The following SVOPL variants were observed in gnomAD, a reference collection of about 807,000 sequenced individuals.
SVOPL encodes the protein SVOP like.
In SVOPL, 60 loss-of-function variants were observed where a neutral mutation model predicts 61.0. The ratio of observed to expected loss-of-function variants is 0.98; its 90% confidence interval spans 0.80 to 1.22. SVOPL has a LOEUF of 1.22. Among genes scored for constraint, SVOPL ranks in the 50% most tolerant of loss-of-function variants. The pLI, the probability that SVOPL is intolerant of heterozygous loss-of-function variation, is 0.00. For synonymous variants in SVOPL, 279 were observed against 250.0 expected (o/e 1.12, Z -1.09); for missense variants, 662 against 643.9 (o/e 1.03, Z -0.30).
At chr7:138,656,543 G>A (rs1474940304) in intron 6 of SVOPL, 32 bp from the exon 7 acceptor site, 1 of 1,607,850 alleles carries the variant, frequency 6.2e-7, no homozygotes, top group Non-Finnish European at 8.5e-7. Flanking sequence ...GCATAATTTT[G>A]TTTTAAAAAA....
intron 7 of SVOPL, among the ~76,000 whole-genome samples, chr7:138,653,944 A>AAAG (rs1554469214): frequency 4.5e-4 from 23 of 50,662 alleles, no homozygotes; most frequent in African/African-American, 9.7e-4. Context: ...AAAAAAAAAA[A>AAAG]AAAAGAAAAG....
At chr7:138,684,364 C>CAAA (rs34602180) in intron 1 of SVOPL, among the ~76,000 whole-genome samples, 4,311 of 112,356 alleles carry the variant, frequency 0.038, 97 homozygotes, top group South Asian at 0.11. Context: ...GACTCCATCT[C>CAAA]AAAAAAAAAA....
At chr7:138,631,557 G>A (rs1409762931) in intron 9 of SVOPL, among the ~76,000 whole-genome samples, 3 of 151,710 alleles carry the variant, frequency 2.0e-5, no homozygotes, top group Non-Finnish European at 4.4e-5. Context: ...GGCCTGCAGT[G>A]TCCTCTCCCC....
At chr7:138,675,604 C>A (rs1325033346) in intron 3 of SVOPL, among the ~76,000 whole-genome samples, 1 of 152,084 alleles carries the variant, frequency 6.6e-6, no homozygotes, top group Admixed American at 6.6e-5. Context: ...GATCTACCCG[C>A]CTTGGCCTCC....
chr7:138,684,980 T>C (rs546389822), intron 1 of SVOPL, among the ~76,000 whole-genome samples: 1 of 151,366 alleles, frequency 6.6e-6, no homozygotes, highest in Admixed American at 6.6e-5. Flanking sequence ...TTGCCCAGGC[T>C]AGAGTGCAAT....
rs762118632 is a variant in SVOPL at position 138,630,140 on chromosome 7, A to G, written c.790-18T>C. Reference sequence around the variant, plus strand: ...CTTTTTTCCTGGGGTAATGAAAAGGAGACAGAACATACTCAGCAGCTTAAG... The same window carrying G: ...CTTTTTTCCTGGGGTAATGAAAAGGGGACAGAACATACTCAGCAGCTTAAG... On this transcript the variant is annotated intron_variant, in intron 9 of 15. Transcript: ENST00000674285. 2.3e-5 allele frequency: 37 copies of G among 1,592,910 alleles called. No individual in the cohort carries two copies. In the Middle Eastern group the frequency reaches 5.0e-4, roughly 21 times the overall value.
chr7:138,638,049 G>T (rs553783107), intron 9 of SVOPL, among the ~76,000 whole-genome samples: 1 of 150,994 alleles, frequency 6.6e-6, no homozygotes, highest in South Asian at 2.1e-4. Context: ...AAATGCAGGT[G>T]GATCACTTGA....
chr7:138,626,141 A>T (rs1799883231), intron 12 of SVOPL, 91 bp from the exon 13 acceptor site: 2 of 1,234,268 alleles, frequency 1.6e-6, no homozygotes, highest in Non-Finnish European at 1.2e-6. Flanking sequence ...GGATGCTGAG[A>T]TACAATCACA....
At chr7:138,690,423 T>C (rs1158108773) in intron 1 of SVOPL, among the ~76,000 whole-genome samples, 1 of 152,122 alleles carries the variant, frequency 6.6e-6, no homozygotes, top group Non-Finnish European at 1.5e-5. Flanking sequence ...AATGGATAAA[T>C]GAGATGTGGT....
At chr7:138,656,380 G>T in intron 7 of SVOPL, 68 bp downstream of exon 7, 1 of 1,480,564 alleles carries the variant, frequency 6.8e-7, no homozygotes, top group South Asian at 1.2e-5. Flanking sequence ...GTATTTCCAA[G>T]GTATGCCTAT....
Position 138,629,155 on chromosome 7 carries a change from A to ATGTGTGTGTGTGTGTG in SVOPL, c.864-793_864-792insCACACACACACACACA, listed in dbSNP as rs1378769326. On this transcript the variant is annotated intron_variant, in intron 10 of 15. Coordinates refer to ENST00000674285, the MANE Select transcript of SVOPL (RefSeq NM_001139456.2). ...TGTGTGTGTGTGTGTGTGTGTGTGT[A>ATGTGTGTGTGTGTGTG]TATATGTATATATAATTTGCTGGAA... is the stretch of plus-strand genomic sequence containing the variant. Among the ~76,000 whole-genome samples the ATGTGTGTGTGTGTGTG allele has an allele frequency of 9.5e-3, 406 of 42,782 alleles. 2 individuals are homozygous for ATGTGTGTGTGTGTGTG. The highest frequency in any genetic ancestry group is 0.024 in the African/African-American group (393 of 16,460). 28.1% of individuals were successfully genotyped at this position (42,782 alleles called of 152,430 possible).
rs71179717 is a variant in SVOPL, at chr7:138,654,500, G to GTTTTTTTTT, written c.534+1939_534+1947dup. On this transcript the variant is annotated intron_variant, in intron 7 of 15. Coordinates refer to ENST00000674285, the MANE Select transcript of SVOPL (RefSeq NM_001139456.2). ...GTTTACAGCATGGTTTACTGAGTTT[G>GTTTTTTTTT]TTTTTTTTTTTTTTTTTGAGACGGA... is the stretch of plus-strand genomic sequence containing the variant. Among the ~76,000 whole-genome samples, 6 of 125,520 alleles carry GTTTTTTTTT rather than the reference G, an allele frequency of 4.8e-5. 1 individual carries two copies. Among genetic ancestry groups the GTTTTTTTTT allele is most frequent in the Admixed American group, 9.0e-5 (1 of 11,096 alleles). The allele number at this position is 125,520 out of a possible 152,430, so 82.3% of individuals were successfully genotyped here. A position where few individuals can be genotyped will look rare whatever the true frequency, so the allele number is the denominator to read the frequency against.
rs138492000 is a variant in SVOPL, at chr7:138,630,594, G to T, written c.790-472C>A. On this transcript the variant is annotated intron_variant, in intron 9 of 15. Coordinates refer to ENST00000674285, the MANE Select transcript of SVOPL (RefSeq NM_001139456.2). ...AATTTCTTTTTCTGTCTCTAAGGGGGGTAGTTAGCAAAAGTTCTTGTCCAT... is the reference window on the plus strand; with the variant it reads ...AATTTCTTTTTCTGTCTCTAAGGGGTGTAGTTAGCAAAAGTTCTTGTCCAT... 7.6e-3 allele frequency among the ~76,000 whole-genome samples: 1,155 copies of T among 152,256 alleles called. 11 individuals carry two copies. The highest frequency in any genetic ancestry group is 0.026 in the African/African-American group (1,099 of 41,540).
intron 7 of SVOPL, among the ~76,000 whole-genome samples, chr7:138,653,614 C>T (rs879739000): frequency 3.9e-5 from 6 of 152,006 alleles, no homozygotes; most frequent in Admixed American, 1.3e-4. Context: ...CCAGCCTGGT[C>T]GACATGGCAA....
chr7:138,643,382 G>A lies in SVOPL; in HGVS notation c.789+1335C>T, dbSNP rs1282072200. ...GGAAGTTGCAGTGAGCCAAGATCAC[G>A]CCACTGCACTCCAGCCTGGGCAAGA... On this transcript the variant is annotated intron_variant, in intron 9 of 15. Transcript: ENST00000674285. Among the ~76,000 whole-genome samples the A allele has an allele frequency of 6.7e-5, 9 of 134,026 alleles. No homozygotes were observed. The East Asian group carries it at 1.3e-3, about 20-fold the overall frequency. The allele number at this position is 134,026 out of a possible 152,430, so 87.9% of individuals were successfully genotyped here. A position where few individuals can be genotyped will look rare whatever the true frequency, so the allele number is the denominator to read the frequency against.
chr7:138,599,263 T>TA (rs1292375196), intron 14 of SVOPL, among the ~76,000 whole-genome samples: 3 of 150,844 alleles, frequency 2.0e-5, no homozygotes, highest in East Asian at 3.9e-4. Flanking sequence ...AATTAACACA[T>TA]AAAAAAATTA....
At chr7:138,695,587 A>C (rs1803047664) in intron 1 of SVOPL, among the ~76,000 whole-genome samples, 1 of 152,114 alleles carries the variant, frequency 6.6e-6, no homozygotes, top group Non-Finnish European at 1.5e-5. Context: ...GCAACATAAG[A>C]GAGGGCTCCT....
intron 1 of SVOPL, among the ~76,000 whole-genome samples, chr7:138,682,902 A>T (rs1802728525): frequency 1.4e-5 from 2 of 142,456 alleles, no homozygotes; most frequent in South Asian, 4.7e-4. Flanking sequence ...CAGGAGATGG[A>T]GGTTGCTGTA....
chr7:138,638,878 C>G (rs1800635868), intron 9 of SVOPL, among the ~76,000 whole-genome samples: 1 of 152,098 alleles, frequency 6.6e-6, no homozygotes, highest in African/African-American at 2.4e-5. Flanking sequence ...AGAAGTTAGT[C>G]AAGGAGACAA....
Sources: allele counts gnomAD v4.1 joint callset (sites outside exome capture counted in the v4.1 genomes callset), GRCh38; gene constraint gnomAD v4.1.1; transcripts MANE v1.5; gene names NCBI Gene and HGNC (gene_info 2026-07-23, HGNC 2026-07-21).